Variants in PTPRD observed in about 807,000 individuals in gnomAD.
PTPRD encodes the protein receptor-type tyrosine-protein phosphatase delta.
A neutral mutation model predicts 214.5 loss-of-function variants in PTPRD; 34 were observed. The ratio of observed to expected loss-of-function variants is 0.16; its 90% CI spans 0.12 to 0.21. PTPRD has a LOEUF of 0.21. PTPRD is among the 10% of genes least tolerant of loss of function. PTPRD has a pLI of 1.00. For synonymous variants in PTPRD, 1,128 were observed against 845.7 expected (o/e 1.33, Z -5.79); for missense variants, 2,545 against 2,398.7 (o/e 1.06, Z -1.27).
At chr9:9,263,178 C>G (rs1179819318) in intron 9 of PTPRD, among the ~76,000 whole-genome samples, 3 of 151,600 alleles carry the variant, frequency 2.0e-5, no homozygotes, top group Non-Finnish European at 4.4e-5. Flanking sequence ...TAAATGATCC[C>G]AATAAATCAT....
At chr9:9,712,834 G>GA (rs2097761050) in intron 7 of PTPRD, among the ~76,000 whole-genome samples, 1 of 152,070 alleles carries the variant, frequency 6.6e-6, no homozygotes, top group East Asian at 1.9e-4. Context: ...TTCAAAAAGA[G>GA]AAAAAACTAT....
At chr9:9,422,520 C>T (rs916336613) in intron 8 of PTPRD, among the ~76,000 whole-genome samples, 3 of 152,010 alleles carry the variant, frequency 2.0e-5, no homozygotes, top group Admixed American at 1.3e-4. Flanking sequence ...ACAAAGATCC[C>T]GGAAGGACGG....
At chr9:9,305,384 C>A (rs1049937775) in intron 9 of PTPRD, among the ~76,000 whole-genome samples, 1 of 151,980 alleles carries the variant, frequency 6.6e-6, no homozygotes, top group Non-Finnish European at 1.5e-5. Flanking sequence ...TATTTGGGCT[C>A]TATTTAGTGT....
intron 11 of PTPRD, among the ~76,000 whole-genome samples, chr9:8,866,234 A>G (rs959446170): frequency 6.6e-6 from 1 of 152,162 alleles, no homozygotes; most frequent in African/African-American, 2.4e-5. Flanking sequence ...TACTTTACAT[A>G]GTCTATTCAT....
intron 9 of PTPRD, among the ~76,000 whole-genome samples, chr9:9,339,586 A>C (rs1012160658): frequency 8.5e-5 from 13 of 152,198 alleles, no homozygotes; most frequent in African/African-American, 3.1e-4. Flanking sequence ...CAGTTGTTAC[A>C]TAACACATAT....
chr9:9,738,585 C>T lies in PTPRD; in HGVS notation c.-325-4014G>A, dbSNP rs113881155. ...CAGCCTCCTTCTGTGATTACAGGCA[C>T]GTGCCACCATCACGCCTGACTAATT... On this transcript the variant is annotated intron_variant, in intron 6 of 45. Coordinates refer to ENST00000381196, the MANE Select transcript of PTPRD (RefSeq NM_002839.4). Among the ~76,000 whole-genome samples, 1,450 of 151,418 alleles carry T rather than the reference C, an allele frequency of 9.6e-3. 22 individuals carry two copies. Among genetic ancestry groups the T allele is most frequent in the African/African-American group, 0.032 (1,313 of 41,198 alleles).
chr9:9,187,459 C>CT (rs963772166), intron 9 of PTPRD, among the ~76,000 whole-genome samples: 9 of 152,054 alleles, frequency 5.9e-5, no homozygotes, highest in African/African-American at 2.2e-4. Flanking sequence ...TGTCAAGTCC[C>CT]TTTTTTATGT....
intron 3 of PTPRD, among the ~76,000 whole-genome samples, chr9:10,268,241 G>T (rs776850858): frequency 6.7e-6 from 1 of 149,978 alleles, no homozygotes; most frequent in Non-Finnish European, 1.5e-5. Context: ...AGTAAGCTAC[G>T]ATCATGCCAC....
At chr9:10,568,489 G>C (rs1217009070) in intron 2 of PTPRD, among the ~76,000 whole-genome samples, 1 of 151,762 alleles carries the variant, frequency 6.6e-6, no homozygotes, top group Non-Finnish European at 1.5e-5. Context: ...CCCAGTAATG[G>C]GATGGCTGGG....
chr9:10,360,695 A>G (rs2097363835), intron 2 of PTPRD, among the ~76,000 whole-genome samples: 1 of 152,236 alleles, frequency 6.6e-6, no homozygotes, highest in African/African-American at 2.4e-5. Context: ...AGCTTTATTT[A>G]GCACGGTTTT....
chr9:10,106,753 T>G (rs2098637288), intron 3 of PTPRD, among the ~76,000 whole-genome samples: 1 of 151,592 alleles, frequency 6.6e-6, no homozygotes. Context: ...TAAATAGACA[T>G]AGAAAAAAAG....
intron 7 of PTPRD, among the ~76,000 whole-genome samples, chr9:9,669,825 T>C (rs1235563896): frequency 2.0e-5 from 3 of 152,130 alleles, no homozygotes; most frequent in Non-Finnish European, 4.4e-5. Flanking sequence ...ATTAAAATTA[T>C]CAGCAAATTT....
At chr9:10,164,573 T>C (rs775740604) in intron 3 of PTPRD, among the ~76,000 whole-genome samples, 8 of 151,648 alleles carry the variant, frequency 5.3e-5, no homozygotes, top group Non-Finnish European at 1.0e-4. Flanking sequence ...GATGTTCATA[T>C]GGTGTGACTA....
chr9:8,343,764 A>G (rs1044904977), intron 39 of PTPRD, among the ~76,000 whole-genome samples: 1 of 152,226 alleles, frequency 6.6e-6, no homozygotes, highest in South Asian at 2.1e-4. Flanking sequence ...TGTGTGCCCT[A>G]CACAAAGCAT....
intron 26 of PTPRD, among the ~76,000 whole-genome samples, chr9:8,496,195 CACACACACACACACAA>C (rs1227732019): frequency 1.4e-5 from 2 of 146,416 alleles, no homozygotes; most frequent in East Asian, 2.1e-4. Context: ...CACACACACA[CACACACACACACACAA>C]ACACACACAC....
intron 11 of PTPRD, among the ~76,000 whole-genome samples, chr9:8,985,115 T>C (rs2099333368): frequency 6.6e-6 from 1 of 152,066 alleles, no homozygotes; most frequent in South Asian, 2.1e-4. Context: ...CGATCAGAAA[T>C]GCTAACAGTA....
chr9:8,985,879 G>A (rs1220551174), intron 11 of PTPRD, among the ~76,000 whole-genome samples: 1 of 152,050 alleles, frequency 6.6e-6, no homozygotes, highest in Non-Finnish European at 1.5e-5. Context: ...AAACTCTCAT[G>A]AAAATATCCA....
chr9:8,790,873 C>T (rs990773439), intron 11 of PTPRD, among the ~76,000 whole-genome samples: 5 of 152,026 alleles, frequency 3.3e-5, no homozygotes, highest in Non-Finnish European at 2.9e-5. Flanking sequence ...AGTAAAAATT[C>T]GGTCCCTCAG....
At chr9:8,833,707 T>TAC (rs1247821456) in intron 11 of PTPRD, among the ~76,000 whole-genome samples, 119 of 134,714 alleles carry the variant, frequency 8.8e-4, no homozygotes, top group African/African-American at 3.2e-3. Flanking sequence ...TCTCTATATA[T>TAC]ATATATATAC....
Sources: allele counts gnomAD v4.1 joint callset (sites outside exome capture counted in the v4.1 genomes callset), GRCh38; gene constraint gnomAD v4.1.1; transcripts MANE v1.5; gene names NCBI Gene and HGNC (gene_info 2026-07-23, HGNC 2026-07-21).